The following NMNAT2 variants were observed in gnomAD, a reference collection of about 807,000 sequenced individuals.
NMNAT2 encodes the protein nicotinamide nucleotide adenylyltransferase 2, also known as nicotinamide/nicotinic acid mononucleotide adenylyltransferase 2.
A neutral mutation model predicts 41.6 loss-of-function variants in NMNAT2; 11 were observed. That is an observed-to-expected ratio of 0.26 (90% CI 0.17 to 0.44). The LOEUF (loss-of-function observed/expected upper bound fraction) is 0.44, where lower values mean the gene tolerates loss of function less well. Ranked by LOEUF, NMNAT2 falls within the 20% of genes least tolerant of loss-of-function variation. NMNAT2 has a pLI of 1.00. For synonymous variants in NMNAT2, 148 were observed against 151.2 expected (o/e 0.98, Z 0.16); for missense variants, 288 against 407.7 (o/e 0.71, Z 2.53).
chr1:183,287,674 A>G (rs1661433107), intron 4 of NMNAT2, among the ~76,000 whole-genome samples: 2 of 152,144 alleles, frequency 1.3e-5, no homozygotes, highest in African/African-American at 4.8e-5. Context: ...CAAATTCCCA[A>G]TCTGTTTAGG....
intron 10 of NMNAT2, among the ~76,000 whole-genome samples, chr1:183,257,274 C>G (rs1047725379): frequency 6.6e-6 from 1 of 151,938 alleles, no homozygotes; most frequent in African/African-American, 2.4e-5. Context: ...AACCCTGTCT[C>G]TACCAAAAAT....
At chr1:183,266,452 C>T (rs1374505892) in intron 8 of NMNAT2, 2 of 152,244 alleles carry the variant, frequency 1.3e-5, no homozygotes, top group East Asian at 1.9e-4. Context: ...TAAATTCTCA[C>T]CAGAGTTGCA....
At position 183,260,852 on chromosome 1, in the gene NMNAT2, G is replaced by A. The variant is rs920008489; in HGVS notation, c.821+150C>T. ...AAAAAAAAAAAAAAAATGTAAAATG[G>A]CTGTGAACAAATGAGGTCCAAACAG... On this transcript the variant is annotated intron_variant, in intron 10 of 10. Transcript: ENST00000287713. 3 of 645,758 alleles carry A rather than the reference G, an allele frequency of 4.6e-6. No individual in the cohort carries two copies. The South Asian group carries it at 5.6e-5, about 12-fold the overall frequency. 40.0% of individuals were successfully genotyped at this position (645,758 alleles called of 1,614,324 possible). A position where few individuals can be genotyped will look rare whatever the true frequency, so the allele number is the denominator to read the frequency against.
chr1:183,293,540 T>C (rs1352733212), intron 2 of NMNAT2, among the ~76,000 whole-genome samples, 165 bp downstream of exon 2: 1 of 152,226 alleles, frequency 6.6e-6, no homozygotes, highest in East Asian at 1.9e-4. Context: ...CAGGTCCGAC[T>C]GTGGTCCTGA....
intron 4 of NMNAT2, among the ~76,000 whole-genome samples, chr1:183,289,361 A>G (rs1451944491): frequency 2.0e-5 from 3 of 152,230 alleles, no homozygotes; most frequent in South Asian, 2.1e-4. Context: ...CTGATCTGGG[A>G]AGGGTGCTTT....
At chr1:183,363,595 C>CAT (rs1341495334) in intron 1 of NMNAT2, among the ~76,000 whole-genome samples, 1 of 151,900 alleles carries the variant, frequency 6.6e-6, no homozygotes, top group Admixed American at 6.6e-5. Context: ...CACACACACA[C>CAT]ACACACACAC....
intron 4 of NMNAT2, among the ~76,000 whole-genome samples, chr1:183,288,575 A>G (rs1661453811): frequency 6.6e-6 from 1 of 152,200 alleles, no homozygotes; most frequent in Non-Finnish European, 1.5e-5. Context: ...TAGACATCAA[A>G]TGATAGCCAG....
chr1:183,333,592 T>C (rs1327672306), intron 1 of NMNAT2, among the ~76,000 whole-genome samples: 1 of 152,240 alleles, frequency 6.6e-6, no homozygotes, highest in African/African-American at 2.4e-5. Context: ...GATTCTCCCC[T>C]AGAGCCTCTA....
At chr1:183,287,519 T>C (rs1661430494) in intron 4 of NMNAT2, among the ~76,000 whole-genome samples, 1 of 152,208 alleles carries the variant, frequency 6.6e-6, no homozygotes, top group African/African-American at 2.4e-5. Context: ...TCTATTGTCC[T>C]GAGTTATCTG....
At chr1:183,304,679 TAACA>T in intron 1 of NMNAT2, 1 of 1,613,942 alleles carries the variant, frequency 6.2e-7, no homozygotes, top group Non-Finnish European at 8.5e-7. Flanking sequence ...CCTGAGAGAG[TAACA>T]AACACTTCCC....
At chr1:183,391,557 AC>A (rs1393437172) in intron 1 of NMNAT2, among the ~76,000 whole-genome samples, 1 of 151,852 alleles carries the variant, frequency 6.6e-6, no homozygotes, top group Non-Finnish European at 1.5e-5. Context: ...AAAAACAAAG[AC>A]CTTTTCTTGA....
intron 1 of NMNAT2, among the ~76,000 whole-genome samples, chr1:183,376,178 A>G (rs1413962344): frequency 3.3e-5 from 5 of 152,218 alleles, no homozygotes; most frequent in African/African-American, 9.6e-5. Context: ...ATATTAATGT[A>G]CTGATATAAT....
At chr1:183,279,300 T>C (rs549230077) in intron 7 of NMNAT2, among the ~76,000 whole-genome samples, 1 of 152,340 alleles carries the variant, frequency 6.6e-6, no homozygotes, top group Admixed American at 6.5e-5. Flanking sequence ...TGAGGCCCAT[T>C]GTTGTTTAAA....
intron 1 of NMNAT2, among the ~76,000 whole-genome samples, chr1:183,374,413 A>G (rs1415918074): frequency 2.0e-5 from 3 of 152,090 alleles, no homozygotes; most frequent in Non-Finnish European, 2.9e-5. Flanking sequence ...CTCCCCACTT[A>G]TGGGGGATCA....
At chr1:183,354,903 T>C (rs919648039) in intron 1 of NMNAT2, among the ~76,000 whole-genome samples, 7 of 152,166 alleles carry the variant, frequency 4.6e-5, no homozygotes, top group African/African-American at 9.7e-5. Context: ...TTTTTGCTTC[T>C]CTCCAACACA....
intron 1 of NMNAT2, among the ~76,000 whole-genome samples, chr1:183,320,996 G>C (rs947917629): frequency 6.6e-6 from 1 of 152,202 alleles, no homozygotes; most frequent in Non-Finnish European, 1.5e-5. Context: ...TCTTTTTAAA[G>C]TTATGTGGCT....
intron 2 of NMNAT2, 30 bp from the exon 3 acceptor site, chr1:183,292,887 ACT>A: frequency 1.2e-6 from 2 of 1,607,592 alleles, no homozygotes. Context: ...TCATTGGGAG[ACT>A]CCCTCCGTTC....
intron 1 of NMNAT2, among the ~76,000 whole-genome samples, chr1:183,389,733 CA>C (rs1298235330): frequency 2.3e-4 from 26 of 112,702 alleles, no homozygotes; most frequent in Non-Finnish European, 2.7e-4. Flanking sequence ...AAGACCCTGT[CA>C]AAAAAGAAAG....
intron 1 of NMNAT2, among the ~76,000 whole-genome samples, chr1:183,359,027 T>C (rs1032309636): frequency 6.6e-6 from 1 of 151,886 alleles, no homozygotes; most frequent in African/African-American, 2.4e-5. Context: ...TAAAGTATCA[T>C]TGCATATTGA....
Sources: allele counts gnomAD v4.1 joint callset (sites outside exome capture counted in the v4.1 genomes callset), GRCh38; gene constraint gnomAD v4.1.1; transcripts MANE v1.5; gene names NCBI Gene and HGNC (gene_info 2026-07-23, HGNC 2026-07-21).